The following MARCHF4 variants were observed in gnomAD, a reference collection of about 807,000 sequenced individuals.
The protein encoded by MARCHF4 is membrane associated ring-CH-type finger 4.
In MARCHF4, 14 loss-of-function variants were observed where a neutral mutation model predicts 43.9. That is an observed-to-expected ratio of 0.32 (90% CI 0.21 to 0.50). The LOEUF is 0.50. Ranked by LOEUF, MARCHF4 falls within the 20% of genes least tolerant of loss-of-function variation. The pLI is 0.98. For missense variants in MARCHF4, 468 were observed against 536.7 expected (o/e 0.87, Z 1.27); for synonymous variants, 226 against 213.3 (o/e 1.06, Z -0.52).
chr2:216,284,069 G>A (rs542552395), intron 1 of MARCHF4, among the ~76,000 whole-genome samples: 2 of 152,308 alleles, frequency 1.3e-5, no homozygotes, highest in South Asian at 2.1e-4. Flanking sequence ...AAGTGTCTCC[G>A]TAAAGGCTCA....
intron 1 of MARCHF4, among the ~76,000 whole-genome samples, chr2:216,320,650 T>C (rs1691869845): frequency 8.2e-6 from 1 of 121,630 alleles, no homozygotes; most frequent in Non-Finnish European, 1.6e-5. Flanking sequence ...TTTCTTTCTT[T>C]CTTTCTTTCT....
intron 1 of MARCHF4, among the ~76,000 whole-genome samples, chr2:216,289,422 T>C (rs1295164519): frequency 6.6e-6 from 1 of 152,210 alleles, no homozygotes; most frequent in Non-Finnish European, 1.5e-5. Flanking sequence ...CTTGCTCGTT[T>C]TTCTCTTGTT....
intron 1 of MARCHF4, among the ~76,000 whole-genome samples, chr2:216,288,763 G>A (rs78423491): frequency 1.3e-5 from 2 of 152,168 alleles, no homozygotes; most frequent in East Asian, 1.9e-4. Context: ...GATGTATTCC[G>A]CTCACTGCAG....
intron 2 of MARCHF4, 32 bp from the exon 3 acceptor site, chr2:216,277,896 G>T (rs1226332275): frequency 1.9e-6 from 3 of 1,582,278 alleles, no homozygotes; most frequent in South Asian, 1.1e-5. Flanking sequence ...GTTAGCAGTT[G>T]CTTGGATGCC....
At chr2:216,322,744 C>T (rs779662267) in intron 1 of MARCHF4, among the ~76,000 whole-genome samples, 2 of 152,094 alleles carry the variant, frequency 1.3e-5, no homozygotes, top group Non-Finnish European at 2.9e-5. Context: ...ATAATTTGAA[C>T]CCAGAAGGTG....
At chr2:216,348,243 G>A (rs1035463796) in intron 1 of MARCHF4, among the ~76,000 whole-genome samples, 3 of 151,944 alleles carry the variant, frequency 2.0e-5, no homozygotes, top group African/African-American at 7.3e-5. Context: ...CTCCATGTTG[G>A]TCAGCCTGGT....
chr2:216,302,893 G>C (rs1267282908), intron 1 of MARCHF4, among the ~76,000 whole-genome samples: 1 of 101,674 alleles, frequency 9.8e-6, no homozygotes, highest in Non-Finnish European at 1.7e-5. Flanking sequence ...GTGAGACTCT[G>C]TATCAAAAAA....
intron 1 of MARCHF4, among the ~76,000 whole-genome samples, chr2:216,336,097 T>C (rs1197947412): frequency 7.2e-6 from 1 of 138,248 alleles, no homozygotes; most frequent in East Asian, 2.2e-4. Flanking sequence ...AAAAGGTATC[T>C]AAGGAAAGGT....
Position 216,366,705 on chromosome 2 carries a change from G to T in MARCHF4, c.516+3040C>A, listed in dbSNP as rs530308279. 1.1e-4 allele frequency among the ~76,000 whole-genome samples: 16 copies of T among 152,188 alleles called. No individual in the cohort carries two copies. In the East Asian group the frequency reaches 3.1e-3, roughly 29 times the overall value. On this transcript the variant is annotated intron_variant, in intron 1 of 3. Transcript: ENST00000273067. Reference sequence around the variant, plus strand: ...TTTTCCTGATTACCCTATCTAATGTGGTGGTACCTTTCCCACTGCCTCCCT... The same window carrying T: ...TTTTCCTGATTACCCTATCTAATGTTGTGGTACCTTTCCCACTGCCTCCCT...
At chr2:216,327,118 C>T (rs1330787173) in intron 1 of MARCHF4, among the ~76,000 whole-genome samples, 3 of 152,012 alleles carry the variant, frequency 2.0e-5, no homozygotes, top group South Asian at 4.2e-4. Context: ...TACTCCCTGC[C>T]TCCCTTTTTA....
Position 216,337,770 on chromosome 2 carries a change from A to G in MARCHF4, c.516+31975T>C, listed in dbSNP as rs77188940. On this transcript the variant is annotated intron_variant, in intron 1 of 3. Coordinates refer to ENST00000273067, the MANE Select transcript of MARCHF4 (RefSeq NM_020814.3). ...AGCGACCTACTACTTCTAGAAATTC[A>G]TACCCCACGAACTACAGCATTGCTT... Among the ~76,000 whole-genome samples the G allele has an allele frequency of 1.2e-4, 19 of 152,220 alleles. No individual in the cohort carries two copies. In the East Asian group the frequency reaches 3.5e-3, roughly 28 times the overall value.
chr2:216,311,670 A>C (rs1432000804), intron 1 of MARCHF4, among the ~76,000 whole-genome samples: 1 of 152,240 alleles, frequency 6.6e-6, no homozygotes, highest in African/African-American at 2.4e-5. Context: ...ATTAGAAATC[A>C]GTAGGGTAAG....
In MARCHF4 at chr2:216,321,580, G is replaced by A. The variant is rs561288492; in HGVS notation, c.517-37851C>T. The stretch of plus-strand genomic sequence containing the variant: ...TTTCTCCCTCTCAGCTTGCCATAGC[G>A]GAAACCTGAATCTTGTTAAATGGAG... On this transcript the variant is annotated intron_variant, in intron 1 of 3. Transcript: ENST00000273067. 4 of 152,170 alleles carry A rather than the reference G, an allele frequency of 2.6e-5. No individual in the cohort carries two copies. The South Asian group carries it at 6.3e-4, about 24-fold the overall frequency. The allele number at this position is 152,170 out of a possible 1,614,324, so 9.4% of individuals were successfully genotyped here.
rs185923025 is a variant in MARCHF4, at chr2:216,266,810, T to C, written c.866-7131A>G. ...TATTTTGGGTGAGTTCAGGGGGTAC[T>C]GCTGGGAAAGGCCAGGTTGACAACA... On this transcript the variant is annotated intron_variant, in intron 3 of 3. Coordinates refer to ENST00000273067, the MANE Select transcript of MARCHF4 (RefSeq NM_020814.3). 4.4e-3 allele frequency among the ~76,000 whole-genome samples: 676 copies of C among 152,312 alleles called. 8 individuals carry two copies. The highest frequency in any genetic ancestry group is 0.016 in the African/African-American group (656 of 41,570).
chr2:216,277,932 G>A, intron 2 of MARCHF4, 68 bp from the exon 3 acceptor site: 1 of 1,421,264 alleles, frequency 7.0e-7, no homozygotes, highest in South Asian at 1.4e-5. Context: ...CCCCTCTTCT[G>A]TCTGCTGCTC....
intron 3 of MARCHF4, among the ~76,000 whole-genome samples, chr2:216,272,689 TTC>T (rs1690959131): frequency 6.6e-6 from 1 of 152,230 alleles, no homozygotes; most frequent in African/African-American, 2.4e-5. Flanking sequence ...GCTAATCGGT[TTC>T]TCTCTGTTCT....
chr2:216,318,321 G>A (rs551601469), intron 1 of MARCHF4, among the ~76,000 whole-genome samples: 1 of 152,338 alleles, frequency 6.6e-6, no homozygotes, highest in Admixed American at 6.5e-5. Context: ...TCCCAGGCCA[G>A]CCAACTGCTG....
Position 216,370,356 on chromosome 2 carries a change from T to C in MARCHF4, c.-96A>G. On this transcript the variant is annotated 5_prime_UTR_variant, in exon 1 of 4. Transcript: ENST00000273067. ...GGGGGTCCACAGTGGATCTGTGTTG[T>C]GGGGGGAGTCTGCTTTCTCACTGGC... The C allele has an allele frequency of 9.8e-6, 10 of 1,022,720 alleles. No individual in the cohort carries two copies. The highest frequency in any genetic ancestry group is 3.2e-5 in the Admixed American group (1 of 31,056). 63.4% of individuals were successfully genotyped at this position (1,022,720 alleles called of 1,614,324 possible). A position where few individuals can be genotyped will look rare whatever the true frequency, so the allele number is the denominator to read the frequency against.
intron 1 of MARCHF4, among the ~76,000 whole-genome samples, chr2:216,315,019 G>C (rs1330336345): frequency 1.3e-5 from 2 of 151,958 alleles, no homozygotes; most frequent in African/African-American, 4.8e-5. Flanking sequence ...ATGGTAAACT[G>C]GTAAAAATCA....
Sources: gnomAD v4.1 joint callset for allele counts (sites outside exome capture counted in the v4.1 genomes callset) on GRCh38, gnomAD v4.1.1 for gene constraint, MANE v1.5 for transcripts, NCBI Gene and HGNC (gene_info 2026-07-23, HGNC 2026-07-21) for gene names.